CABIN1: variants seen among roughly 807,000 people sequenced by gnomAD.
CABIN1 encodes calcineurin binding protein 1, also known as calcineurin-binding protein cabin-1.
In CABIN1, 133 loss-of-function variants were observed where a neutral mutation model predicts 227.7. The observed-to-expected ratio is 0.58, with a 90% confidence interval of 0.51 to 0.67. CABIN1 has a LOEUF of 0.67. Among genes scored for constraint, CABIN1 ranks in the 30% least tolerant of loss-of-function variants. The probability of loss-of-function intolerance (pLI) is 0.00; values close to 1 mark genes in which losing one functional copy is unlikely to be tolerated. For missense variants in CABIN1, 2,408 were observed against 2,852.5 expected, an observed-to-expected ratio of 0.84 and a Z score of 3.55; for synonymous variants, 1,086 against 1,155.1, an observed-to-expected ratio of 0.94 and a Z score of 1.21.
chr22:24,086,432 T>TA (rs1313547044), intron 22 of CABIN1, among the ~76,000 whole-genome samples: 1 of 152,212 alleles, frequency 6.6e-6, no homozygotes, highest in Admixed American at 6.5e-5. Context: ...CCTGGCCCAT[T>TA]AGGCAACCCT....
At chr22:24,140,503 C>G (rs551915704) in intron 29 of CABIN1, among the ~76,000 whole-genome samples, 2 of 152,292 alleles carry the variant, frequency 1.3e-5, no homozygotes, top group South Asian at 4.1e-4. Flanking sequence ...GGGGCTCCCC[C>G]CGCAGGCATA....
At chr22:24,097,401 G>A (rs2041957336) in intron 25 of CABIN1, among the ~76,000 whole-genome samples, 1 of 152,164 alleles carries the variant, frequency 6.6e-6, no homozygotes, top group African/African-American at 2.4e-5. Flanking sequence ...AACTACAGAA[G>A]GTATTGTTTT....
chr22:24,092,112 C>G (rs1301936389), intron 24 of CABIN1: 1 of 527,770 alleles, frequency 1.9e-6, no homozygotes, highest in Non-Finnish European at 3.4e-6. Flanking sequence ...GTTCTAAGAA[C>G]CTGACCTTGG....
chr22:24,015,545 C>T (rs1043873743), intron 1 of CABIN1, among the ~76,000 whole-genome samples: 1 of 151,514 alleles, frequency 6.6e-6, no homozygotes, highest in African/African-American at 2.4e-5. Flanking sequence ...GGGGTTTCAC[C>T]GTGTTAGCCA....
chr22:24,047,307 G>T (rs2037968708), intron 6 of CABIN1, among the ~76,000 whole-genome samples: 1 of 152,216 alleles, frequency 6.6e-6, no homozygotes, highest in African/African-American at 2.4e-5. Context: ...ATGCTGCTGG[G>T]TTAAGGCCTG....
intron 1 of CABIN1, among the ~76,000 whole-genome samples, chr22:24,028,451 C>T (rs1315819882): frequency 6.6e-6 from 1 of 152,212 alleles, no homozygotes; most frequent in East Asian, 1.9e-4. Flanking sequence ...CAGGCTGCCT[C>T]TGCATTGAGG....
intron 26 of CABIN1, among the ~76,000 whole-genome samples, chr22:24,103,966 A>C (rs2042358300): frequency 6.6e-6 from 1 of 152,112 alleles, no homozygotes; most frequent in Non-Finnish European, 1.5e-5. Flanking sequence ...TTCCTGGAGA[A>C]GGTGAGTCTC....
chr22:24,078,956 A>G (rs1414196658), intron 19 of CABIN1, among the ~76,000 whole-genome samples: 12 of 83,344 alleles, frequency 1.4e-4, no homozygotes, highest in Non-Finnish European at 6.6e-5. Flanking sequence ...CATACTAAAT[A>G]TATAGTATGT....
intron 24 of CABIN1, among the ~76,000 whole-genome samples, chr22:24,092,832 T>C (rs955379772): frequency 1.3e-5 from 2 of 152,112 alleles, no homozygotes; most frequent in Non-Finnish European, 2.9e-5. Flanking sequence ...TGTCCCTGTA[T>C]GTCCGAATTT....
chr22:24,163,247 C>T (rs2046258834), intron 29 of CABIN1, among the ~76,000 whole-genome samples: 1 of 152,160 alleles, frequency 6.6e-6, no homozygotes, highest in African/African-American at 2.4e-5. Context: ...GGTCTCAAGG[C>T]TGCGAGTTTT....
In CABIN1 at chr22:24,067,046, G is replaced by C; in HGVS notation, c.2097G>C (p.Leu699=). Residue 699 remains leucine, a synonymous_variant, in exon 16 of 37, where the codon CTG becomes CTC. Coordinates refer to ENST00000263119, the MANE Select transcript of CABIN1 (RefSeq NM_012295.4). ...AGTCCCTGGAGGAGATTCAGCGGCT[G>C]TATGAAGCAGGCGACTACAAGGCTG... ...RCQSLEEIQR[L]YEAGDYKAVV... 1 of 1,614,224 alleles carries C rather than the reference G, an allele frequency of 6.2e-7. No homozygotes were observed. The highest frequency in any genetic ancestry group is 1.1e-5 in the South Asian group (1 of 91,086).
chr22:24,168,276 G>C (rs576884890), intron 32 of CABIN1, among the ~76,000 whole-genome samples, 171 bp from the exon 33 acceptor site: 2 of 152,248 alleles, frequency 1.3e-5, no homozygotes, highest in South Asian at 4.1e-4. Context: ...TCTAGATGCG[G>C]ACAGCAGTGG....
At chr22:24,091,935 C>T (rs1246675337) in intron 24 of CABIN1, 92 bp downstream of exon 24, 5 of 1,518,084 alleles carry the variant, frequency 3.3e-6, no homozygotes, top group South Asian at 1.2e-5. Context: ...TTCCAGTGAC[C>T]GTCCTTCAAC....
intron 30 of CABIN1, 109 bp from the exon 31 acceptor site, chr22:24,165,421 G>A: frequency 9.8e-7 from 1 of 1,016,812 alleles, no homozygotes; most frequent in Non-Finnish European, 1.5e-6. Flanking sequence ...GAACACTGAG[G>A]AACAAACAGG....
intron 1 of CABIN1, among the ~76,000 whole-genome samples, chr22:24,025,488 G>A (rs977457432): frequency 6.6e-6 from 1 of 152,176 alleles, no homozygotes; most frequent in African/African-American, 2.4e-5. Flanking sequence ...CATTTTTGTA[G>A]GTTTGGAACC....
chr22:24,138,123 A>AC (rs1170451603), intron 29 of CABIN1, among the ~76,000 whole-genome samples: 1 of 152,214 alleles, frequency 6.6e-6, no homozygotes, highest in Non-Finnish European at 1.5e-5. Context: ...GGTGGGGGGC[A>AC]CGTGCCTTCT....
intron 12 of CABIN1, 89 bp from the exon 13 acceptor site, chr22:24,061,858 A>G: frequency 1.1e-6 from 1 of 870,992 alleles, no homozygotes; most frequent in Non-Finnish European, 1.9e-6. Context: ...CAAAAAGTAT[A>G]GTTTTGTTTC....
chr22:24,176,565 C>T (rs779307136), intron 35 of CABIN1, among the ~76,000 whole-genome samples: 2 of 152,192 alleles, frequency 1.3e-5, no homozygotes, highest in African/African-American at 2.4e-5. Flanking sequence ...GGCAGGCGGC[C>T]TGCTTGGGCC....
chr22:24,085,410 G>A (rs542860444), intron 22 of CABIN1, among the ~76,000 whole-genome samples: 3 of 152,324 alleles, frequency 2.0e-5, no homozygotes, highest in East Asian at 1.9e-4. Flanking sequence ...GAGAAGGTAC[G>A]AAGTGTCCAT....
Sources: allele counts gnomAD v4.1 joint callset (sites outside exome capture counted in the v4.1 genomes callset), GRCh38; gene constraint gnomAD v4.1.1; transcripts MANE v1.5; gene names NCBI Gene and HGNC (gene_info 2026-07-23, HGNC 2026-07-21).